Variants in JAK3 observed in about 807,000 individuals in gnomAD.
JAK3 encodes the protein tyrosine-protein kinase JAK3.
JAK3 carries 88 observed loss-of-function variants against 120.8 expected under a neutral mutation model. That is an observed-to-expected ratio of 0.73 (90% CI 0.61 to 0.87). The LOEUF (loss-of-function observed/expected upper bound fraction) is 0.87. Among genes scored for constraint, JAK3 ranks in the 40% least tolerant of loss-of-function variants. The pLI is 0.00. For synonymous variants in JAK3, 592 were observed against 628.6 expected (o/e 0.94, Z 0.87); for missense variants, 1,254 against 1,501.4 (o/e 0.84, Z 2.72).
intron 1 of JAK3, among the ~76,000 whole-genome samples, chr19:17,846,816 C>T (rs2094253267): frequency 1.3e-5 from 2 of 152,148 alleles, no homozygotes; most frequent in Non-Finnish European, 2.9e-5. Flanking sequence ...AACTCCTGGC[C>T]TCAGGTGATT....
intron 13 of JAK3, 25 bp from the exon 14 acceptor site, chr19:17,836,076 G>A (rs2147684471): frequency 6.2e-7 from 1 of 1,612,336 alleles, no homozygotes; most frequent in Non-Finnish European, 8.5e-7. Context: ...GGAGAGGCGG[G>A]GTTGGGAGAC....
chr19:17,834,975 G>A lies in JAK3; in HGVS notation c.2076C>T (p.Ala692=), dbSNP rs530354527. Residue 692 remains alanine, a synonymous_variant, in exon 16 of 24, where the codon GCC becomes GCT. Transcript: ENST00000458235. ...EMLTDRIPWV[A]PECLREAQTL... Reference sequence around the variant, plus strand: ...TCTGCGCCTCCCGGAGACACTCGGGGGCCACCCAGGGGATCCTGTCGGTGA... The same window carrying A: ...TCTGCGCCTCCCGGAGACACTCGGGAGCCACCCAGGGGATCCTGTCGGTGA... 7.4e-6 allele frequency: 12 copies of A among 1,614,054 alleles called. No individual in the cohort carries two copies. The highest frequency in any genetic ancestry group is 1.0e-5 in the Non-Finnish European group (12 of 1,180,038).
chr19:17,832,826 CT>C lies in JAK3; in HGVS notation c.2453del (p.Glu818GlyfsTer27), dbSNP rs757477666. On this transcript the variant is annotated frameshift_variant, in exon 18 of 24. Transcript: ENST00000458235. LOFTEE classifies it high-confidence loss of function. The surrounding 1 kb of genome is among the most constrained non-coding windows in gnomAD (Gnocchi z 4.7). Reference protein sequence around the residue: ...LYACQDPTIFEERHLKYISQL... With the variant: ...LYACQDPTIFXERHLKYISQL... ...GTGAGATGTACTTGAGGTGTCTCTCCTCGAAGATCGTGGGGTCTTGGCAGGC... is the reference window on the plus strand; with the variant it reads ...GTGAGATGTACTTGAGGTGTCTCTCCCGAAGATCGTGGGGTCTTGGCAGGC... 2 of 1,614,244 alleles carry C rather than the reference CT, an allele frequency of 1.2e-6. No homozygotes were observed. Among genetic ancestry groups the C allele is most frequent in the Non-Finnish European group, 1.7e-6 (2 of 1,180,046 alleles).
At position 17,831,433 on chromosome 19, in the gene JAK3, A is replaced by G. The variant is rs2094214350; in HGVS notation, c.2806-33T>C. On this transcript the variant is annotated intron_variant, in intron 20 of 23. Coordinates refer to ENST00000458235, the MANE Select transcript of JAK3 (RefSeq NM_000215.4). This position sits in a 1 kb window ranked among gnomAD's most constrained non-coding sequence, Gnocchi z 5.1. ...CGGGCGGTGTGAGCGTGCAGAGAGG[A>G]TCCCAGGATAATCCGGCAGGTACCC... 2 of 1,599,152 alleles carry G rather than the reference A, an allele frequency of 1.3e-6. No homozygotes were observed. Among genetic ancestry groups the G allele is most frequent in the Non-Finnish European group, 1.7e-6 (2 of 1,179,362 alleles).
rs1415560771 is a variant in JAK3, at chr19:17,847,942, T to C, written c.-14+4A>G. On this transcript the variant is annotated splice_donor_region_variant and intron_variant, in intron 1 of 23. Transcript: ENST00000458235. ...CCGAGCCCTGCGGCATCGCCAGCTC[T>C]TACCTAGCGGGCAGGGACCCTGGAC... is the stretch of plus-strand genomic sequence containing the variant. 3 of 1,026,468 alleles carry C rather than the reference T, an allele frequency of 2.9e-6. No homozygotes were observed. The highest frequency in any genetic ancestry group is 1.7e-5 in the African/African-American group (1 of 58,728). The allele number at this position is 1,026,468 out of a possible 1,614,324, so 63.6% of individuals were successfully genotyped here. A position where few individuals can be genotyped will look rare whatever the true frequency, so the allele number is the denominator to read the frequency against.
chr19:17,826,293 G>A lies in JAK3; in HGVS notation c.*450C>T, dbSNP rs1163371590. 1 of 191,122 alleles carries A rather than the reference G, an allele frequency of 5.2e-6. No individual in the cohort carries two copies. Among genetic ancestry groups the A allele is most frequent in the Non-Finnish European group, 1.1e-5 (1 of 89,728 alleles). 11.8% of individuals were successfully genotyped at this position (191,122 alleles called of 1,614,324 possible). On this transcript the variant is annotated 3_prime_UTR_variant, in exon 24 of 24. Transcript: ENST00000458235. The stretch of plus-strand genomic sequence containing the variant: ...CCAGCTACTCGGGAGGCTGAGGCAG[G>A]AGAATCGCTTGAACCTGGGAAGCAG...
Position 17,834,835 on chromosome 19 carries a change from G to A in JAK3, c.2199+17C>T, listed in dbSNP as rs200917498. 12 of 1,613,774 alleles carry A rather than the reference G, an allele frequency of 7.4e-6. No individual in the cohort carries two copies. Among genetic ancestry groups the A allele is most frequent in the Admixed American group, 1.7e-5 (1 of 60,014 alleles). ...AAGTGGGGGTTCGGAGACCGATGCCGGGTGAGGGGCTCTGACCTTAGCAGG... is the reference window on the plus strand; with the variant it reads ...AAGTGGGGGTTCGGAGACCGATGCCAGGTGAGGGGCTCTGACCTTAGCAGG... On this transcript the variant is annotated intron_variant, in intron 16 of 23. Coordinates refer to ENST00000458235, the MANE Select transcript of JAK3 (RefSeq NM_000215.4).
At position 17,835,921 on chromosome 19, in the gene JAK3, C is replaced by G; in HGVS notation, c.1914+3G>C. 6.2e-7 allele frequency: 1 copy of G among 1,613,814 alleles called. No homozygotes were observed. Among genetic ancestry groups the G allele is most frequent in the Non-Finnish European group, 8.5e-7 (1 of 1,180,042 alleles). ...AGGGTGGAGCAGGCAGAGGAGCACT[C>G]ACCAGATAGTTGAGGGCGTAGGCCA... On this transcript the variant is annotated splice_donor_region_variant and intron_variant, in intron 14 of 23. Coordinates refer to ENST00000458235, the MANE Select transcript of JAK3 (RefSeq NM_000215.4).
At position 17,830,399 on chromosome 19, in the gene JAK3, G is replaced by A; in HGVS notation, c.3096+104C>T. 3 of 1,008,688 alleles carry A rather than the reference G, an allele frequency of 3.0e-6. No homozygotes were observed. In the South Asian group the frequency reaches 4.1e-5, roughly 14 times the overall value. 62.5% of individuals were successfully genotyped at this position (1,008,688 alleles called of 1,614,324 possible). ...ACTGGGGCCTATGATGCTGGGACCA[G>A]GTGACCCCATGCTAAAGAGGGACGC... is the stretch of plus-strand genomic sequence containing the variant. On this transcript the variant is annotated intron_variant, in intron 22 of 23. Transcript: ENST00000458235.
chr19:17,833,144 T>G (rs2094217542), intron 17 of JAK3, among the ~76,000 whole-genome samples: 2 of 152,250 alleles, frequency 1.3e-5, no homozygotes. Flanking sequence ...GCACACCCTG[T>G]GCAACTCCAC....
chr19:17,842,519 C>T lies in JAK3; in HGVS notation c.658G>A (p.Ala220Thr), dbSNP rs1195667284. The T allele has an allele frequency of 6.3e-7, 1 of 1,592,560 alleles. No individual in the cohort carries two copies. Among genetic ancestry groups the T allele is most frequent in the Admixed American group, 1.8e-5 (1 of 56,672 alleles). The change falls in exon 6 of 24, where the codon GCC becomes ACC. Residue 220 changes from alanine (A) to threonine (T), a missense_variant. By Grantham distance (58) the Ala-to-Thr change is moderately conservative (BLOSUM62 0). Coordinates refer to ENST00000458235, the MANE Select transcript of JAK3 (RefSeq NM_000215.4). The surrounding 1 kb of genome is among the most constrained non-coding windows in gnomAD (Gnocchi z 6.4). The stretch of plus-strand genomic sequence containing the variant: ...TGGCAGGCGGCCACGCGGCGCAGGG[C>T]TCTGCGCACCGTCCTCCGAATACGC... Reference protein sequence around the residue: ...RRRIRRTVRRALRRVAACQAD... With the variant: ...RRRIRRTVRRTLRRVAACQAD...
At chr19:17,829,770 A>C (rs73524266) in intron 23 of JAK3, 235 of 442,562 alleles carry the variant, frequency 5.3e-4, no homozygotes, top group African/African-American at 4.6e-3. Flanking sequence ...AAAGAAAGAA[A>C]GAAAAAAAAA....
Position 17,844,427 on chromosome 19 carries a change from T to G in JAK3, c.-10A>C. The G allele has an allele frequency of 6.2e-7, 1 of 1,606,408 alleles. No individual in the cohort carries two copies. ...CACTTGGAGGTGCCATGAGTGCAAC[T>G]TGCCTGGGGCACAGAGAGAAAAAGC... On this transcript the variant is annotated 5_prime_UTR_variant, in exon 2 of 24. Coordinates refer to ENST00000458235, the MANE Select transcript of JAK3 (RefSeq NM_000215.4).
Position 17,826,442 on chromosome 19 carries a change from G to C in JAK3, c.*301C>G, listed in dbSNP as rs199823845. ...GAGAGAGACAGAAAAGGAAACTCAG[G>C]GGGCCAGGGCTTAAGGGGTTGGGAA... On this transcript the variant is annotated 3_prime_UTR_variant, in exon 24 of 24. Coordinates refer to ENST00000458235, the MANE Select transcript of JAK3 (RefSeq NM_000215.4). 6 of 387,966 alleles carry C rather than the reference G, an allele frequency of 1.5e-5. No individual in the cohort carries two copies. The highest frequency in any genetic ancestry group is 2.3e-5 in the Non-Finnish European group (5 of 214,194). The allele number at this position is 387,966 out of a possible 1,614,324, so 24.0% of individuals were successfully genotyped here.
At chr19:17,835,314 G>A (rs1163630377) in intron 14 of JAK3, 99 bp from the exon 15 acceptor site, 11 of 1,417,738 alleles carry the variant, frequency 7.8e-6, no homozygotes, top group Non-Finnish European at 1.0e-5. Context: ...ACTTGGTACT[G>A]CTCAGACATG....
In JAK3 at chr19:17,840,355, TGA is replaced by T. The variant is rs1396420691; in HGVS notation, c.1143-16_1143-15del. 6.4e-7 allele frequency: 1 copy of T among 1,550,892 alleles called. No individual in the cohort carries two copies. Among genetic ancestry groups the T allele is most frequent in the Non-Finnish European group, 8.9e-7 (1 of 1,124,148 alleles). Reference sequence around the variant, plus strand: ...GCAAAGTCCAGACTGTGGGGGAAGGTGAGAGGGAATGGGGAGGAGTCAGAGAT... The same window carrying T: ...GCAAAGTCCAGACTGTGGGGGAAGGTGAGGGAATGGGGAGGAGTCAGAGAT... On this transcript the variant is annotated splice_polypyrimidine_tract_variant and intron_variant, in intron 8 of 23. Coordinates refer to ENST00000458235, the MANE Select transcript of JAK3 (RefSeq NM_000215.4).
chr19:17,845,470 A>C (rs2094250048), intron 1 of JAK3, among the ~76,000 whole-genome samples: 3 of 152,120 alleles, frequency 2.0e-5, no homozygotes, highest in Admixed American at 6.6e-5. Context: ...CAGGAGTTTG[A>C]AACCAGACTG....
rs200499852 is a variant in JAK3, at chr19:17,835,138, C to A, written c.1992G>T (p.Pro664=). The A allele has an allele frequency of 6.2e-7, 1 of 1,614,190 alleles. No homozygotes were observed. Among genetic ancestry groups the A allele is most frequent in the Non-Finnish European group, 8.5e-7 (1 of 1,180,034 alleles). ...LLAREGADGS[P]PFIKLSDPGV... ...CAGGGTCACTCAGCTTGATGAAGGG[C>A]GGGCTCCCATCAGCCCCCTCCCGAG... The change falls in exon 15 of 24, where the codon CCG becomes CCT. Residue 664 remains proline, a synonymous_variant. Transcript: ENST00000458235.
chr19:17,831,289 G>T lies in JAK3; in HGVS notation c.2917C>A (p.Leu973Met). ...TAGTAGTCTTTGTCAAGCGGCAGCA[G>T]CTTAGCTAGGCCGAAGTCAGCGATC... ...VKIADFGLAK[L>M]LPLDKDYYVV... is the part of the protein sequence containing the mutation. The change falls in exon 21 of 24, where the codon CTG becomes ATG. Residue 973 changes from leucine (L) to methionine (M), a missense_variant. By Grantham distance (15) the Leu-to-Met change is conservative. Around this residue, in one of 3 missense-constraint regions of JAK3, gnomAD observed 630 missense variants for 819.8 expected, o/e 0.77. Coordinates refer to ENST00000458235, the MANE Select transcript of JAK3 (RefSeq NM_000215.4). The surrounding 1 kb of genome is among the most constrained non-coding windows in gnomAD (Gnocchi z 5.1). 1 of 1,612,828 alleles carries T rather than the reference G, an allele frequency of 6.2e-7. No individual in the cohort carries two copies. Among genetic ancestry groups the T allele is most frequent in the Non-Finnish European group, 8.5e-7 (1 of 1,179,854 alleles).
Sources: gnomAD v4.1 joint callset for allele counts (sites outside exome capture counted in the v4.1 genomes callset) on GRCh38, gnomAD v4.1.1 for gene constraint, gnomAD v4.1.1 regional missense constraint, Gnocchi (gnomAD v3.1) non-coding constraint, MANE v1.5 for transcripts, NCBI Gene and HGNC (gene_info 2026-07-23, HGNC 2026-07-21) for gene names.